Variants in RBFOX1 observed in about 807,000 individuals in gnomAD.
RBFOX1 encodes RNA binding protein fox-1 homolog 1.
RBFOX1 carries 8 observed loss-of-function variants against 57.7 expected under a neutral mutation model. That is an observed-to-expected ratio of 0.14 (90% confidence interval 0.08 to 0.25). RBFOX1 has a LOEUF of 0.25. Among genes scored for constraint, RBFOX1 ranks in the 10% least tolerant of loss-of-function variants. The pLI is 1.00. For missense variants in RBFOX1, 611 were observed against 548.5 expected, an observed-to-expected ratio of 1.11 and a Z score of -1.14; for synonymous variants, 326 against 222.4, an observed-to-expected ratio of 1.47 and a Z score of -4.15.
chr16:6,090,699 A>G (rs1393874112), intron 1 of RBFOX1, among the ~76,000 whole-genome samples: 2 of 152,174 alleles, frequency 1.3e-5, no homozygotes, highest in African/African-American at 4.8e-5. Flanking sequence ...TCTTTTGACA[A>G]CCTGCCATCT....
At chr16:6,939,507 T>TTCTC (rs2077973015) in intron 3 of RBFOX1, among the ~76,000 whole-genome samples, 1 of 130,014 alleles carries the variant, frequency 7.7e-6, no homozygotes, top group South Asian at 2.2e-4. Flanking sequence ...TTTTTCTTTC[T>TTCTC]TTTTTTTTTT....
At chr16:7,519,101 A>C (rs2076997122) in intron 5 of RBFOX1, among the ~76,000 whole-genome samples, 1 of 152,208 alleles carries the variant, frequency 6.6e-6, no homozygotes, top group African/African-American at 2.4e-5. Context: ...TGTACAGTTC[A>C]CTGATTTTTA....
At chr16:5,961,100 C>A (rs1404934197) in intron 4 of RBFOX1, among the ~76,000 whole-genome samples, 1 of 152,206 alleles carries the variant, frequency 6.6e-6, no homozygotes, top group African/African-American at 2.4e-5. Flanking sequence ...CTTTTCTAAC[C>A]TCTCACAACC....
At chr16:7,029,696 A>AG (rs1374077335) in intron 3 of RBFOX1, among the ~76,000 whole-genome samples, 19 of 152,268 alleles carry the variant, frequency 1.2e-4, no homozygotes, top group African/African-American at 4.3e-4. Context: ...AGAAGCTGGG[A>AG]GACTCTATAA....
chr16:6,220,395 C>G (rs1156850473), intron 1 of RBFOX1, among the ~76,000 whole-genome samples: 3 of 152,182 alleles, frequency 2.0e-5, no homozygotes, highest in African/African-American at 7.2e-5. Context: ...ATTTAGAAGA[C>G]TCCACTGACA....
intron 3 of RBFOX1, among the ~76,000 whole-genome samples, chr16:5,628,093 C>G (rs976659041): frequency 3.9e-5 from 6 of 152,174 alleles, no homozygotes; most frequent in Non-Finnish European, 2.9e-5. Context: ...TCTGCCCACC[C>G]CACCCCAATT....
At chr16:7,158,877 G>C (rs1269095755) in intron 4 of RBFOX1, among the ~76,000 whole-genome samples, 1 of 152,026 alleles carries the variant, frequency 6.6e-6, no homozygotes, top group Non-Finnish European at 1.5e-5. Flanking sequence ...GGTTTCTGTG[G>C]TGTGTCTTTG....
At chr16:6,889,336 A>G (rs1397891040) in intron 3 of RBFOX1, among the ~76,000 whole-genome samples, 1 of 152,154 alleles carries the variant, frequency 6.6e-6, no homozygotes, top group Non-Finnish European at 1.5e-5. Context: ...AAAATTTACG[A>G]GTATGCATGT....
At chr16:6,665,368 C>T (rs563604182) in intron 3 of RBFOX1, among the ~76,000 whole-genome samples, 2 of 152,140 alleles carry the variant, frequency 1.3e-5, no homozygotes, top group Non-Finnish European at 2.9e-5. Context: ...AATGCCAGCC[C>T]TTTGGGAGGC....
chr16:6,974,336 C>CTTT (rs59299498), intron 3 of RBFOX1, among the ~76,000 whole-genome samples: 6 of 58,660 alleles, frequency 1.0e-4, no homozygotes, highest in African/African-American at 1.3e-4. Flanking sequence ...TTTTCTTTTT[C>CTTT]TTTTTTTTTT....
At chr16:6,038,793 A>T (rs1596584110) in intron 1 of RBFOX1, 1 of 147,094 alleles carries the variant, frequency 6.8e-6, no homozygotes, top group South Asian at 2.1e-4. Context: ...ATTATTTACC[A>T]CTTGGGTTGG....
At chr16:7,625,879 CCT>C (rs1280791832) in intron 10 of RBFOX1, among the ~76,000 whole-genome samples, 1 of 152,192 alleles carries the variant, frequency 6.6e-6, no homozygotes, top group Non-Finnish European at 1.5e-5. Context: ...TTGCTCCCTG[CCT>C]CTTAGTCTAG....
intron 1 of RBFOX1, among the ~76,000 whole-genome samples, chr16:6,215,163 T>TGAGAGAGGGAGAGGGGGAGA (rs2097327525): frequency 2.9e-5 from 1 of 34,496 alleles, no homozygotes; most frequent in African/African-American, 1.2e-4. Flanking sequence ...AGAGGGACAG[T>TGAGAGAGGGAGAGGGGGAGA]GAGAGAGGGA....
At chr16:6,622,343 T>C (rs2098244983) in intron 2 of RBFOX1, among the ~76,000 whole-genome samples, 1 of 152,196 alleles carries the variant, frequency 6.6e-6, no homozygotes, top group African/African-American at 2.4e-5. Flanking sequence ...TATATTTTTA[T>C]CGTACCTTTT....
chr16:6,258,203 G>T (rs2097680407), intron 1 of RBFOX1, among the ~76,000 whole-genome samples: 1 of 152,078 alleles, frequency 6.6e-6, no homozygotes, highest in Non-Finnish European at 1.5e-5. Flanking sequence ...CTGCCAGCTG[G>T]CCATTAAAGA....
At chr16:5,731,453 T>C (rs556892000) in intron 3 of RBFOX1, among the ~76,000 whole-genome samples, 1 of 152,278 alleles carries the variant, frequency 6.6e-6, no homozygotes, top group Admixed American at 6.5e-5. Context: ...AGAAGGTGGG[T>C]ACTGTTGCTA....
At chr16:5,594,634 C>G (rs2047120848) in intron 2 of RBFOX1, among the ~76,000 whole-genome samples, 1 of 152,052 alleles carries the variant, frequency 6.6e-6, no homozygotes, top group Non-Finnish European at 1.5e-5. Context: ...TGGTTTCATT[C>G]TTTTGAGTTT....
intron 4 of RBFOX1, 89 bp downstream of exon 4, chr16:7,052,187 T>A: frequency 6.6e-7 from 1 of 1,517,092 alleles, no homozygotes; most frequent in Non-Finnish European, 8.8e-7. Flanking sequence ...ACACGGGTTC[T>A]AAATAACAGG....
chr16:7,094,744 C>CTTTGTG (rs1760216106), intron 4 of RBFOX1, among the ~76,000 whole-genome samples: 1 of 139,352 alleles, frequency 7.2e-6, no homozygotes, highest in African/African-American at 2.6e-5. Flanking sequence ...GACTGTACAG[C>CTTTGTG]TGTGTGTGTG....
Sources: allele counts gnomAD v4.1 joint callset (sites outside exome capture counted in the v4.1 genomes callset), GRCh38; gene constraint gnomAD v4.1.1; transcripts MANE v1.5; gene names NCBI Gene and HGNC (gene_info 2026-07-23, HGNC 2026-07-21).